Variants in URM1 observed in about 807,000 individuals in gnomAD.
URM1 encodes the protein ubiquitin-related modifier 1.
Under a neutral mutation model 17.7 loss-of-function variants are expected in URM1, and 11 were observed. The observed-to-expected ratio is 0.62, with a 90% CI of 0.39 to 1.03. The LOEUF is 1.03. URM1 is among the 50% of genes least tolerant of loss of function. The probability of loss-of-function intolerance (pLI) is 0.00; values close to 1 mark genes in which losing one functional copy is unlikely to be tolerated. For synonymous variants in URM1, 48 were observed against 50.6 expected (o/e 0.95, Z 0.22); for missense variants, 128 against 129.2 (o/e 0.99, Z 0.04).
rs201244881 is a variant in URM1, at chr9:128,387,913, C to G, written c.188+16C>G. 214 of 1,613,748 alleles carry G rather than the reference C, an allele frequency of 1.3e-4. 2 individuals are homozygous for G. Among genetic ancestry groups the G allele is most frequent in the South Asian group, 2.5e-4 (23 of 91,064 alleles). On this transcript the variant is annotated intron_variant, in intron 3 of 4. Coordinates refer to ENST00000372853, the MANE Select transcript of URM1 (RefSeq NM_030914.4). This position sits in a 1 kb window ranked among gnomAD's most constrained non-coding sequence, Gnocchi z 4.3. Reference sequence around the variant, plus strand: ...GAGACAGCGTGTGAGTCCCACTCCTCCCTTCCCTGAAGCAGGTGGAGGGAG... The same window carrying G: ...GAGACAGCGTGTGAGTCCCACTCCTGCCTTCCCTGAAGCAGGTGGAGGGAG...
intron 1 of URM1, among the ~76,000 whole-genome samples, chr9:128,376,967 C>T (rs1833086249): frequency 6.6e-6 from 1 of 152,084 alleles, no homozygotes; most frequent in Middle Eastern, 3.4e-3. Flanking sequence ...TGCTGGGTGA[C>T]AAAGCAAGAC....
chr9:128,378,011 CT>C, intron 1 of URM1, 24 bp from the exon 2 acceptor site: 1 of 1,610,524 alleles, frequency 6.2e-7, no homozygotes. Flanking sequence ...ACCTGGCTGT[CT>C]TTTTCTCTGG....
At chr9:128,382,263 TTGGTGACCTAGGTCACCAACAGAGC>T (rs1833168661) in intron 2 of URM1, among the ~76,000 whole-genome samples, 1 of 151,338 alleles carries the variant, frequency 6.6e-6, no homozygotes, top group Non-Finnish European at 1.5e-5. Flanking sequence ...GTAACCTAGG[TTGGTGACCTAGGTCACCAACAGAGC>T]TGGTTAGCAG....
chr9:128,384,877 C>T (rs971506806), intron 2 of URM1, among the ~76,000 whole-genome samples: 5 of 152,140 alleles, frequency 3.3e-5, no homozygotes, highest in African/African-American at 4.8e-5. Flanking sequence ...CTCCAGGGTC[C>T]ATACTCTTAG....
At chr9:128,380,847 C>T (rs1196092967) in intron 2 of URM1, among the ~76,000 whole-genome samples, 5 of 151,550 alleles carry the variant, frequency 3.3e-5, no homozygotes, top group Non-Finnish European at 7.4e-5. Flanking sequence ...GTTTTTGAGA[C>T]GTAGTCTCGC....
At chr9:128,383,996 A>G (rs367971898) in intron 2 of URM1, among the ~76,000 whole-genome samples, 23 of 152,210 alleles carry the variant, frequency 1.5e-4, no homozygotes, top group African/African-American at 5.5e-4. Context: ...CAGAGCAGCC[A>G]TCTGTTGAGC....
In URM1 at chr9:128,387,999, C is replaced by G. The variant is rs1330154291; in HGVS notation, c.188+102C>G. The G allele has an allele frequency of 5.8e-5, 87 of 1,510,506 alleles. No individual in the cohort carries two copies. The highest frequency in any genetic ancestry group is 6.7e-5 in the Non-Finnish European group (75 of 1,126,124). 93.6% of individuals were successfully genotyped at this position (1,510,506 alleles called of 1,614,324 possible). A position where few individuals can be genotyped will look rare whatever the true frequency, so the allele number is the denominator to read the frequency against. ...CCTGGCCTTCTCTGAATCCGGTTCT[C>G]CCCTTCCTCCTCCCTAACTCTTCCA... On this transcript the variant is annotated intron_variant, in intron 3 of 4. Coordinates refer to ENST00000372853, the MANE Select transcript of URM1 (RefSeq NM_030914.4). This position sits in a 1 kb window ranked among gnomAD's most constrained non-coding sequence, Gnocchi z 4.3.
chr9:128,383,505 T>G (rs1398748525), intron 2 of URM1, among the ~76,000 whole-genome samples: 2 of 152,130 alleles, frequency 1.3e-5, no homozygotes, highest in African/African-American at 4.8e-5. Context: ...AAGAGAAGAC[T>G]TAGGGGATCC....
chr9:128,372,449 C>T (rs540229369), intron 1 of URM1, among the ~76,000 whole-genome samples: 1 of 152,218 alleles, frequency 6.6e-6, no homozygotes, highest in Admixed American at 6.5e-5. Context: ...GTAGTTCATT[C>T]ACCAGCCATT....
intron 1 of URM1, among the ~76,000 whole-genome samples, chr9:128,372,734 A>G (rs1360607906): frequency 6.6e-6 from 1 of 152,106 alleles, no homozygotes; most frequent in Non-Finnish European, 1.5e-5. Context: ...CTTCCTTGAC[A>G]GGCCTCAGCA....
rs1833238242 is a variant in URM1 at position 128,387,092 on chromosome 9, A to G, written c.107-724A>G. On this transcript the variant is annotated intron_variant, in intron 2 of 4. Transcript: ENST00000372853. This position sits in a 1 kb window ranked among gnomAD's most constrained non-coding sequence, Gnocchi z 4.3. The stretch of plus-strand genomic sequence containing the variant: ...GTGGCTCTGAGCCTCCACATGACAT[A>G]CAAGGAGGCTGGTGGCTCCCCCAGA... Among the ~76,000 whole-genome samples the G allele has an allele frequency of 6.6e-6, 1 of 152,196 alleles. No individual in the cohort carries two copies. The highest frequency in any genetic ancestry group is 2.1e-4 in the South Asian group (1 of 4,834).
intron 2 of URM1, among the ~76,000 whole-genome samples, chr9:128,378,851 G>A (rs933616770): frequency 6.6e-6 from 1 of 151,500 alleles, no homozygotes; most frequent in Admixed American, 6.6e-5. Context: ...GGAGGCTGGG[G>A]CAGGAGAATT....
intron 1 of URM1, among the ~76,000 whole-genome samples, chr9:128,377,804 G>A (rs1198783049): frequency 1.3e-5 from 2 of 152,160 alleles, no homozygotes; most frequent in African/African-American, 2.4e-5. Context: ...AGGTTACAGC[G>A]AGCTATGATT....
chr9:128,390,139 G>A lies in URM1; in HGVS notation c.*405G>A. On this transcript the variant is annotated 3_prime_UTR_variant, in exon 5 of 5. Transcript: ENST00000372853. The stretch of plus-strand genomic sequence containing the variant: ...CTTCATGGGGAAGATGAATGGACCT[G>A]AGTAGCTGAAGGAAGGCCCCTCCCT... 1 of 222,128 alleles carries A rather than the reference G, an allele frequency of 4.5e-6. No homozygotes were observed. The highest frequency in any genetic ancestry group is 8.3e-5 in the South Asian group (1 of 12,028). The allele number at this position is 222,128 out of a possible 1,614,324, so 13.8% of individuals were successfully genotyped here.
chr9:128,377,615 A>G (rs1488994774), intron 1 of URM1, among the ~76,000 whole-genome samples: 1 of 152,178 alleles, frequency 6.6e-6, no homozygotes, highest in African/African-American at 2.4e-5. Context: ...GGTTGCTGTG[A>G]GCTGAGATCA....
At chr9:128,376,381 C>T (rs750640471) in intron 1 of URM1, among the ~76,000 whole-genome samples, 2 of 149,722 alleles carry the variant, frequency 1.3e-5, no homozygotes, top group African/African-American at 5.0e-5. Flanking sequence ...ATAAATAGGC[C>T]AGGCACGGTG....
At chr9:128,380,876 A>G (rs1018832079) in intron 2 of URM1, among the ~76,000 whole-genome samples, 16 of 151,726 alleles carry the variant, frequency 1.1e-4, no homozygotes, top group Admixed American at 3.9e-4. Context: ...CCAGGCTGGA[A>G]TGCAGTGGCG....
chr9:128,371,324 A>T (rs1237131484), upstream of URM1: 1 of 1,562,574 alleles, frequency 6.4e-7, no homozygotes, highest in Non-Finnish European at 8.7e-7. Flanking sequence ...GACGCCCGGA[A>T]ATTTGCGGGC....
rs1444808327 is a variant in URM1 at position 128,389,863 on chromosome 9, C to G, written c.*129C>G. 2 of 1,313,510 alleles carry G rather than the reference C, an allele frequency of 1.5e-6. No homozygotes were observed. Among genetic ancestry groups the G allele is most frequent in the African/African-American group, 1.5e-5 (1 of 67,252 alleles). 81.4% of individuals were successfully genotyped at this position (1,313,510 alleles called of 1,614,324 possible). A position where few individuals can be genotyped will look rare whatever the true frequency, so the allele number is the denominator to read the frequency against. On this transcript the variant is annotated 3_prime_UTR_variant, in exon 5 of 5. Coordinates refer to ENST00000372853, the MANE Select transcript of URM1 (RefSeq NM_030914.4). ...TTCCCTGCTCTGTCCCCTAAGCTCCCTCCAGGCAGGGAAAAGAGGCCAGGT... is the reference window on the plus strand; with the variant it reads ...TTCCCTGCTCTGTCCCCTAAGCTCCGTCCAGGCAGGGAAAAGAGGCCAGGT...
Sources: allele counts gnomAD v4.1 joint callset (sites outside exome capture counted in the v4.1 genomes callset), GRCh38; gene constraint gnomAD v4.1.1; non-coding constraint Gnocchi (gnomAD v3.1); transcripts MANE v1.5; gene names NCBI Gene and HGNC (gene_info 2026-07-23, HGNC 2026-07-21).